NPRL3: variants seen among roughly 807,000 people sequenced by gnomAD.
The protein encoded by NPRL3 is NPR3 like, GATOR1 complex subunit, also known as GATOR1 complex protein NPRL3.
A neutral mutation model predicts 57.2 loss-of-function variants in NPRL3; 23 were observed. The ratio of observed to expected loss-of-function variants is 0.40; its 90% CI spans 0.29 to 0.57. NPRL3 has a LOEUF of 0.57. Among genes scored for constraint, NPRL3 ranks in the 20% least tolerant of loss-of-function variants. The pLI, the probability that NPRL3 is intolerant of heterozygous loss-of-function variation, is 0.42. For missense variants in NPRL3, 691 were observed against 767.1 expected, an observed-to-expected ratio of 0.90 and a Z score of 1.17; for synonymous variants, 333 against 321.1, an observed-to-expected ratio of 1.04 and a Z score of -0.39.
chr16:88,557 C>T (rs1055231164), intron 13 of NPRL3, 141 bp downstream of exon 13: 5 of 788,526 alleles, frequency 6.3e-6, no homozygotes, highest in Non-Finnish European at 1.0e-5. Flanking sequence ...TGCCCCTACA[C>T]ACCTGAATGC....
chr16:88,691 C>A lies in NPRL3; in HGVS notation c.1544+7G>T. ...GCCCCAGTCCCAACGGGTCAACCTA[C>A]ACCCACCTGGCAAACATGCGGAGGT... On this transcript the variant is annotated splice_region_variant and intron_variant, in intron 13 of 13. Coordinates refer to ENST00000611875, the MANE Select transcript of NPRL3 (RefSeq NM_001077350.3). The A allele has an allele frequency of 6.2e-7, 1 of 1,605,798 alleles. No homozygotes were observed. Among genetic ancestry groups the A allele is most frequent in the Non-Finnish European group, 8.5e-7 (1 of 1,173,958 alleles).
At chr16:102,044 A>G (rs1160012795) in intron 7 of NPRL3, among the ~76,000 whole-genome samples, 1 of 152,174 alleles carries the variant, frequency 6.6e-6, no homozygotes, top group Non-Finnish European at 1.5e-5. Flanking sequence ...TTCCTGAATG[A>G]AGCCAAGGAA....
chr16:103,296 A>AT lies in NPRL3; in HGVS notation c.630-2788dup, dbSNP rs533871530. 6.5e-3 allele frequency among the ~76,000 whole-genome samples: 272 copies of AT among 42,090 alleles called. 55 individuals carry two copies. The highest frequency in any genetic ancestry group is 0.021 in the African/African-American group (197 of 9,508). 27.6% of individuals were successfully genotyped at this position (42,090 alleles called of 152,430 possible). ...GACGTGCAACATCACGCCTGGGGTG[A>AT]TTTTTTTTTTTTTTTTTTTTTTTTT... On this transcript the variant is annotated intron_variant, in intron 7 of 13. Coordinates refer to ENST00000611875, the MANE Select transcript of NPRL3 (RefSeq NM_001077350.3).
At chr16:104,126 C>CAA (rs199846582) in intron 7 of NPRL3, among the ~76,000 whole-genome samples, 24 of 95,372 alleles carry the variant, frequency 2.5e-4, no homozygotes, top group African/African-American at 7.7e-4. Flanking sequence ...AACTCCATCT[C>CAA]AAAAAAAAAA....
intron 9 of NPRL3, among the ~76,000 whole-genome samples, chr16:96,910 G>A (rs941106404): frequency 2.6e-5 from 4 of 152,166 alleles, no homozygotes; most frequent in African/African-American, 7.2e-5. Flanking sequence ...GGCTGCTTTC[G>A]GGGAAAAGTG....
intron 9 of NPRL3, among the ~76,000 whole-genome samples, chr16:94,559 G>C (rs1201554017): frequency 6.6e-6 from 1 of 152,120 alleles, no homozygotes; most frequent in African/African-American, 2.4e-5. Context: ...GACCAACCTG[G>C]GCAATATAGT....
At position 88,757 on chromosome 16, in the gene NPRL3, G is replaced by A. The variant is rs767665276; in HGVS notation, c.1485C>T (p.Arg495=). Residue 495 remains arginine, a synonymous_variant, in exon 13 of 14, where the codon CGC becomes CGT. Coordinates refer to ENST00000611875, the MANE Select transcript of NPRL3 (RefSeq NM_001077350.3). ...NLLASLSEHE[R]AAILSVPAAQ... is the part of the protein sequence containing the mutation. ...CTGCGGGTACACTGAGGATGGCTGC[G>A]CGTTCATGCTCCGACAGGCTGGCCA... The A allele has an allele frequency of 3.7e-5, 59 of 1,613,588 alleles. No homozygotes were observed. The highest frequency in any genetic ancestry group is 1.6e-4 in the Middle Eastern group (1 of 6,082).
chr16:110,336 T>G (rs1297791608), intron 7 of NPRL3, among the ~76,000 whole-genome samples, 189 bp downstream of exon 7: 2 of 152,050 alleles, frequency 1.3e-5, no homozygotes. Flanking sequence ...CAAGGTCACT[T>G]CTTTCAAGAG....
intron 3 of NPRL3, among the ~76,000 whole-genome samples, chr16:121,628 A>G (rs965390271): frequency 2.0e-5 from 3 of 151,408 alleles, no homozygotes; most frequent in African/African-American, 7.3e-5. Context: ...TCAAAAAAAA[A>G]AACAGTCACA....
Position 88,708 on chromosome 16 carries a change from T to C in NPRL3, c.1534A>G (p.Met512Val), listed in dbSNP as rs768263296. The change falls in exon 13 of 14, where the codon ATG becomes GTG. Residue 512 changes from methionine (M) to valine (V), a missense_variant. Transcript: ENST00000611875. ...TCAACCTACACCCACCTGGCAAACA[T>C]GCGGAGGTCCTCAGGGTTCTGGGCT... The part of the protein sequence containing the change: ...PAAQNPEDLR[M>V]FARLLHYFRG... The C allele has an allele frequency of 2.5e-6, 4 of 1,609,700 alleles. No individual in the cohort carries two copies. Among genetic ancestry groups the C allele is most frequent in the Admixed American group, 1.7e-5 (1 of 59,852 alleles).
chr16:138,110 G>A, intron 2 of NPRL3, 40 bp downstream of exon 2: 2 of 1,494,974 alleles, frequency 1.3e-6, no homozygotes, highest in Non-Finnish European at 1.8e-6. Flanking sequence ...GAATGAGGCG[G>A]CCCCCGCGAG....
Position 128,439 on chromosome 16 carries a change from C to A in NPRL3, c.188+2083G>T, listed in dbSNP as rs77897913. 8.9e-4 allele frequency among the ~76,000 whole-genome samples: 136 copies of A among 152,304 alleles called. 1 individual carries two copies. In the East Asian group the frequency reaches 0.021, roughly 23 times the overall value. On this transcript the variant is annotated intron_variant, in intron 3 of 13. Coordinates refer to ENST00000611875, the MANE Select transcript of NPRL3 (RefSeq NM_001077350.3). ...TGTTTCAGTCTGGTAAACTGAAGCT[C>A]TGGTTTCAGAAAGAAAAGCACTTTT...
chr16:131,732 G>A (rs1215415694), intron 2 of NPRL3, among the ~76,000 whole-genome samples: 1 of 152,018 alleles, frequency 6.6e-6, no homozygotes, highest in Non-Finnish European at 1.5e-5. Flanking sequence ...AGGCTGGGGT[G>A]CTGTAGCAAT....
intron 7 of NPRL3, among the ~76,000 whole-genome samples, chr16:104,565 A>C (rs1389026768): frequency 6.6e-6 from 1 of 152,132 alleles, no homozygotes; most frequent in African/African-American, 2.4e-5. Flanking sequence ...TCTGGTTTGT[A>C]CACTGGCATG....
In NPRL3 at chr16:110,457, G is replaced by A. The variant is rs576583741; in HGVS notation, c.629+68C>T. On this transcript the variant is annotated intron_variant, in intron 7 of 13. Coordinates refer to ENST00000611875, the MANE Select transcript of NPRL3 (RefSeq NM_001077350.3). ...GTACCGGGGAGCCCTACCTGTTGAC[G>A]CTGCTCCTCAGGCCCAGGCAGGCTG... 178 of 1,288,548 alleles carry A rather than the reference G, an allele frequency of 1.4e-4. 3 individuals carry two copies. In the South Asian group the frequency reaches 2.0e-3, roughly 14 times the overall value. The allele number at this position is 1,288,548 out of a possible 1,614,324, so 79.8% of individuals were successfully genotyped here.
At chr16:97,095 C>T (rs1261099870) in intron 9 of NPRL3, among the ~76,000 whole-genome samples, 1 of 152,234 alleles carries the variant, frequency 6.6e-6, no homozygotes, top group East Asian at 1.9e-4. Flanking sequence ...CACACCGCCA[C>T]CAGACGAGGG....
chr16:134,903 T>G (rs1002212651), intron 2 of NPRL3, among the ~76,000 whole-genome samples: 1 of 151,204 alleles, frequency 6.6e-6, no homozygotes, highest in African/African-American at 2.4e-5. Flanking sequence ...GGGTTTCACC[T>G]TGTTAGCCAG....
At chr16:115,072 T>C (rs1410365580) in intron 5 of NPRL3, among the ~76,000 whole-genome samples, 1 of 151,754 alleles carries the variant, frequency 6.6e-6, no homozygotes, top group Non-Finnish European at 1.5e-5. Context: ...CCTTCCAGGC[T>C]CAGGTGATCC....
rs776547593 is a variant in NPRL3, at chr16:88,736, G to A, written c.1506C>T (p.Pro502=). 2.0e-5 allele frequency: 33 copies of A among 1,613,288 alleles called. No individual in the cohort carries two copies. The highest frequency in any genetic ancestry group is 4.4e-5 in the South Asian group (4 of 90,982). ...GGAGGTCCTCAGGGTTCTGGGCTGC[G>A]GGTACACTGAGGATGGCTGCGCGTT... ...EHERAAILSV[P]AAQNPEDLRM... The change falls in exon 13 of 14, where the codon CCC becomes CCT. Residue 502 remains proline, a synonymous_variant. Transcript: ENST00000611875.
Sources: allele counts gnomAD v4.1 joint callset (sites outside exome capture counted in the v4.1 genomes callset), GRCh38; gene constraint gnomAD v4.1.1; transcripts MANE v1.5; gene names NCBI Gene and HGNC (gene_info 2026-07-23, HGNC 2026-07-21).